Variants in CCSER1 observed in about 807,000 individuals in gnomAD.
CCSER1 encodes the protein serine-rich coiled-coil domain-containing protein 1.
Under a neutral mutation model 82.0 loss-of-function variants are expected in CCSER1, and 41 were observed. The observed-to-expected ratio is 0.50, with a 90% confidence interval of 0.39 to 0.65. CCSER1 has a LOEUF of 0.65. Among genes scored for constraint, CCSER1 ranks in the 30% least tolerant of loss-of-function variants. The probability of loss-of-function intolerance (pLI) is 0.00; values close to 1 mark genes in which losing one functional copy is unlikely to be tolerated. For missense variants in CCSER1, 1,119 were observed against 1,064.2 expected (o/e 1.05, Z -0.72); for synonymous variants, 414 against 383.9 (o/e 1.08, Z -0.92).
At chr4:90,226,419 A>G (rs1200544520) in intron 1 of CCSER1, among the ~76,000 whole-genome samples, 1 of 152,216 alleles carries the variant, frequency 6.6e-6, no homozygotes, top group Non-Finnish European at 1.5e-5. Flanking sequence ...CTGGGCCCTC[A>G]GGCAAGGTGA....
At chr4:91,515,078 A>G (rs965690945) in intron 10 of CCSER1, among the ~76,000 whole-genome samples, 2 of 152,152 alleles carry the variant, frequency 1.3e-5, no homozygotes, top group Non-Finnish European at 2.9e-5. Context: ...ACATTGTCAA[A>G]TATATTTAAC....
intron 10 of CCSER1, among the ~76,000 whole-genome samples, chr4:91,186,494 C>G (rs1734548054): frequency 6.6e-6 from 1 of 152,034 alleles, no homozygotes; most frequent in South Asian, 2.1e-4. Context: ...TGGATTCGAG[C>G]CCCCGTGATG....
chr4:90,415,087 T>C (rs1755598296), intron 4 of CCSER1, among the ~76,000 whole-genome samples: 1 of 152,164 alleles, frequency 6.6e-6, no homozygotes, highest in Non-Finnish European at 1.5e-5. Context: ...ATTTTGAGTG[T>C]CCTATTAGCA....
rs560628586 is a variant in CCSER1, at chr4:91,066,936, C to T, written c.2173-19014C>T. ...ATCCCAGTACTTTGGAAGGCTGAGGCGGGCAGATCACGAGGTCAGGAGATC... is the reference window on the plus strand; with the variant it reads ...ATCCCAGTACTTTGGAAGGCTGAGGTGGGCAGATCACGAGGTCAGGAGATC... On this transcript the variant is annotated intron_variant, in intron 9 of 10. Transcript: ENST00000509176. Among the ~76,000 whole-genome samples the T allele has an allele frequency of 4.0e-5, 6 of 151,862 alleles. No individual in the cohort carries two copies. The South Asian group carries it at 6.3e-4, about 16-fold the overall frequency.
At chr4:91,178,346 G>A (rs1241851675) in intron 10 of CCSER1, among the ~76,000 whole-genome samples, 6 of 152,240 alleles carry the variant, frequency 3.9e-5, no homozygotes, top group African/African-American at 1.4e-4. Context: ...GCAGAGCTGA[G>A]TTCAATTCCT....
chr4:91,399,493 G>T (rs965275261), intron 10 of CCSER1, among the ~76,000 whole-genome samples: 16 of 151,980 alleles, frequency 1.1e-4, no homozygotes, highest in African/African-American at 3.1e-4. Context: ...CCTGTCTTCA[G>T]AGGGGTAATC....
chr4:91,023,225 T>C, intron 9 of CCSER1, among the ~76,000 whole-genome samples: 1 of 152,126 alleles, frequency 6.6e-6, no homozygotes, highest in East Asian at 1.9e-4. Context: ...AAAATGGCCA[T>C]ACTGCCCAAG....
intron 10 of CCSER1, among the ~76,000 whole-genome samples, chr4:91,118,240 T>A (rs1561562714): frequency 6.6e-6 from 1 of 151,630 alleles, no homozygotes; most frequent in Admixed American, 6.6e-5. Flanking sequence ...ACCTTCTTTG[T>A]GGTACTCTCT....
intron 10 of CCSER1, among the ~76,000 whole-genome samples, chr4:91,173,933 A>G (rs1733035822): frequency 6.6e-6 from 1 of 152,314 alleles, no homozygotes; most frequent in East Asian, 1.9e-4. Flanking sequence ...GGATTTTGTC[A>G]ATTTTCCAAT....
At chr4:91,461,555 C>T (rs1007780445) in intron 10 of CCSER1, among the ~76,000 whole-genome samples, 1 of 152,174 alleles carries the variant, frequency 6.6e-6, no homozygotes, top group Non-Finnish European at 1.5e-5. Context: ...GTCCTTTTAT[C>T]ACTGTGGTAT....
In CCSER1 at chr4:91,604,591, A is replaced by C. The variant is rs1764904346; in HGVS notation, c.*5534A>C. The C allele has an allele frequency of 6.6e-6, 1 of 152,110 alleles. No homozygotes were observed. Among genetic ancestry groups the C allele is most frequent in the South Asian group, 2.1e-4 (1 of 4,830 alleles). The allele number at this position is 152,110 out of a possible 1,614,324, so 9.4% of individuals were successfully genotyped here. A position where few individuals can be genotyped will look rare whatever the true frequency, so the allele number is the denominator to read the frequency against. On this transcript the variant is annotated 3_prime_UTR_variant, in exon 11 of 11. Transcript: ENST00000509176. ...AAGGAAAGCATACAGTAAATGAAAA[A>C]TAAACTAGTTATCAGATTGTCTTAT... is the stretch of plus-strand genomic sequence containing the variant.
chr4:91,291,618 T>G (rs879471585), intron 10 of CCSER1, among the ~76,000 whole-genome samples: 5 of 151,814 alleles, frequency 3.3e-5, no homozygotes, highest in Non-Finnish European at 5.9e-5. Context: ...AACAGCCAGA[T>G]CTCATGAAGA....
intron 8 of CCSER1, among the ~76,000 whole-genome samples, chr4:90,859,872 A>G (rs1476340576): frequency 6.6e-6 from 1 of 151,666 alleles, no homozygotes; most frequent in Non-Finnish European, 1.5e-5. Flanking sequence ...CACAGATTTT[A>G]TTTCATATGT....
chr4:90,510,091 C>T (rs566433042), intron 5 of CCSER1, among the ~76,000 whole-genome samples: 1 of 151,986 alleles, frequency 6.6e-6, no homozygotes, highest in South Asian at 2.1e-4. Flanking sequence ...CACATTGGAA[C>T]ATAAGATATG....
chr4:91,306,411 C>T (rs1448572465), intron 10 of CCSER1, among the ~76,000 whole-genome samples: 2 of 151,952 alleles, frequency 1.3e-5, no homozygotes, highest in African/African-American at 4.8e-5. Context: ...GTACATTCTG[C>T]TTGTTTTTAA....
chr4:90,164,955 G>GAGTATTGAT (rs1730182874), intron 1 of CCSER1, among the ~76,000 whole-genome samples: 1 of 152,110 alleles, frequency 6.6e-6, no homozygotes, highest in Admixed American at 6.6e-5. Flanking sequence ...AGGAACAAAG[G>GAGTATTGAT]AGTATTGATG....
At chr4:90,877,726 A>C (rs994488043) in intron 8 of CCSER1, among the ~76,000 whole-genome samples, 1 of 151,960 alleles carries the variant, frequency 6.6e-6, no homozygotes, top group South Asian at 2.1e-4. Flanking sequence ...AAAAAAAAAA[A>C]CAGAAGTAAA....
chr4:91,010,309 C>G (rs1028196029), intron 9 of CCSER1, among the ~76,000 whole-genome samples: 1 of 152,296 alleles, frequency 6.6e-6, no homozygotes, highest in African/African-American at 2.4e-5. Flanking sequence ...ATGCATCCGA[C>G]TTGATGTGTT....
At chr4:91,501,991 G>T (rs576918126) in intron 10 of CCSER1, among the ~76,000 whole-genome samples, 1 of 152,116 alleles carries the variant, frequency 6.6e-6, no homozygotes, top group East Asian at 1.9e-4. Flanking sequence ...TAGTTAATTG[G>T]CTTTAGACAA....
Sources: gnomAD v4.1 joint callset for allele counts (sites outside exome capture counted in the v4.1 genomes callset) on GRCh38, gnomAD v4.1.1 for gene constraint, MANE v1.5 for transcripts, NCBI Gene and HGNC (gene_info 2026-07-23, HGNC 2026-07-21) for gene names.